The following MGAT4C variants were observed in gnomAD, a reference collection of about 807,000 sequenced individuals.
The protein encoded by MGAT4C is MGAT4 family member C.
In MGAT4C, 19 loss-of-function variants were observed where a neutral mutation model predicts 40.1. The ratio of observed to expected loss-of-function variants is 0.47; its 90% CI spans 0.33 to 0.70. The LOEUF (loss-of-function observed/expected upper bound fraction) is 0.70. Among genes scored for constraint, MGAT4C ranks in the 30% least tolerant of loss-of-function variants. The pLI, the probability that MGAT4C is intolerant of heterozygous loss-of-function variation, is 0.02. For synonymous variants in MGAT4C, 181 were observed against 187.1 expected, an observed-to-expected ratio of 0.97 and a Z score of 0.27; for missense variants, 491 against 563.2, an observed-to-expected ratio of 0.87 and a Z score of 1.30.
chr12:86,252,987 C>T (rs1952363518), intron 1 of MGAT4C, among the ~76,000 whole-genome samples: 1 of 151,832 alleles, frequency 6.6e-6, no homozygotes, highest in African/African-American at 2.4e-5. Context: ...AATTGATAGA[C>T]TTTTCACAAA....
intron 2 of MGAT4C, among the ~76,000 whole-genome samples, chr12:86,703,264 T>G (rs1317699001): frequency 6.6e-6 from 1 of 152,194 alleles, no homozygotes; most frequent in African/African-American, 2.4e-5. Context: ...AGAATAAACA[T>G]AATTGATAAA....
chr12:86,766,460 G>A (rs939815272), intron 1 of MGAT4C, among the ~76,000 whole-genome samples: 7 of 151,994 alleles, frequency 4.6e-5, no homozygotes, highest in Non-Finnish European at 5.9e-5. Flanking sequence ...AAAGATCAAC[G>A]AGACAGAAAG....
intron 2 of MGAT4C, among the ~76,000 whole-genome samples, chr12:86,440,203 G>T (rs1957202463): frequency 6.6e-6 from 1 of 152,148 alleles, no homozygotes; most frequent in East Asian, 1.9e-4. Context: ...CAACATTCCT[G>T]ATGAACATAG....
At chr12:86,813,916 T>A (rs12821474) in intron 1 of MGAT4C, among the ~76,000 whole-genome samples, 1 of 151,982 alleles carries the variant, frequency 6.6e-6, no homozygotes, top group Non-Finnish European at 1.5e-5. Context: ...TTTCTTTTTT[T>A]TGGGGGGGAT....
chr12:86,394,502 T>TATA (rs1956213846), intron 3 of MGAT4C, among the ~76,000 whole-genome samples: 1 of 139,496 alleles, frequency 7.2e-6, no homozygotes, highest in Admixed American at 7.4e-5. Context: ...TATATATATA[T>TATA]TTTTTAAATA....
chr12:86,495,796 T>A (rs1311642837), intron 2 of MGAT4C, among the ~76,000 whole-genome samples: 3 of 152,070 alleles, frequency 2.0e-5, no homozygotes, highest in African/African-American at 4.8e-5. Flanking sequence ...CAGTAACTCA[T>A]AATAGTTTCT....
intron 2 of MGAT4C, among the ~76,000 whole-genome samples, chr12:86,036,078 T>A (rs933771722): frequency 5.3e-5 from 8 of 150,066 alleles, no homozygotes; most frequent in African/African-American, 1.9e-4. Context: ...TGGTTCCATA[T>A]GAAATTTGAA....
At chr12:86,543,377 C>T (rs1441114075) in intron 2 of MGAT4C, among the ~76,000 whole-genome samples, 2 of 151,486 alleles carry the variant, frequency 1.3e-5, no homozygotes, top group Non-Finnish European at 2.9e-5. Flanking sequence ...TCCAGATTAA[C>T]ACCCAGAAAG....
chr12:86,664,260 T>C (rs1050701656), intron 2 of MGAT4C, among the ~76,000 whole-genome samples: 1 of 152,092 alleles, frequency 6.6e-6, no homozygotes, highest in Non-Finnish European at 1.5e-5. Flanking sequence ...TCTCTCACTC[T>C]GTCCTCCCCT....
chr12:86,767,401 C>A (rs537999355), intron 1 of MGAT4C, among the ~76,000 whole-genome samples: 12 of 152,224 alleles, frequency 7.9e-5, no homozygotes, highest in South Asian at 2.1e-4. Context: ...GAGTCCAGGA[C>A]CAGATGGATT....
intron 2 of MGAT4C, among the ~76,000 whole-genome samples, chr12:86,537,420 T>TAA (rs1203298287): frequency 6.6e-6 from 1 of 151,838 alleles, no homozygotes; most frequent in Non-Finnish European, 1.5e-5. Flanking sequence ...AACTTAGTTA[T>TAA]AAAAGTAAAT....
intron 2 of MGAT4C, among the ~76,000 whole-genome samples, chr12:86,656,343 A>G (rs560940523): frequency 6.6e-6 from 1 of 152,048 alleles, no homozygotes; most frequent in Non-Finnish European, 1.5e-5. Context: ...AAAAACAAGT[A>G]TACACCTAAT....
chr12:86,460,096 G>T (rs10776976), intron 2 of MGAT4C, among the ~76,000 whole-genome samples: 1 of 151,826 alleles, frequency 6.6e-6, no homozygotes, highest in South Asian at 2.1e-4. Context: ...GCCCACCCAC[G>T]CAGACACTTA....
intron 1 of MGAT4C, among the ~76,000 whole-genome samples, chr12:86,111,539 G>T (rs60995831): frequency 6.6e-6 from 1 of 151,664 alleles, no homozygotes; most frequent in Non-Finnish European, 1.5e-5. Flanking sequence ...TAGAGAAAGA[G>T]ATTTTAAAAA....
chr12:86,115,371 T>C (rs879544022), intron 1 of MGAT4C, among the ~76,000 whole-genome samples: 2 of 151,856 alleles, frequency 1.3e-5, no homozygotes, highest in African/African-American at 4.8e-5. Flanking sequence ...TACTTAAGAT[T>C]TGGGGTAGAA....
At chr12:86,143,578 C>T (rs1221784057) in intron 1 of MGAT4C, among the ~76,000 whole-genome samples, 1 of 152,128 alleles carries the variant, frequency 6.6e-6, no homozygotes, top group Non-Finnish European at 1.5e-5. Context: ...TTTACCCTTT[C>T]TCACCTGAAA....
chr12:85,975,699 C>T lies in MGAT4C; in HGVS notation c.*3590G>A, dbSNP rs1883924896. On this transcript the variant is annotated 3_prime_UTR_variant, in exon 5 of 5. Transcript: ENST00000611864. ...GTTTGGGATCATGAATCAAAAGAAA[C>T]AGGATAAAATTATCCTAAAATTAAT... The T allele has an allele frequency of 6.6e-6, 1 of 150,854 alleles. No individual in the cohort carries two copies. The highest frequency in any genetic ancestry group is 1.9e-4 in the East Asian group (1 of 5,176). 9.3% of individuals were successfully genotyped at this position (150,854 alleles called of 1,614,324 possible).
At chr12:86,681,809 T>A (rs1433331998) in intron 2 of MGAT4C, among the ~76,000 whole-genome samples, 2 of 152,076 alleles carry the variant, frequency 1.3e-5, no homozygotes, top group Non-Finnish European at 2.9e-5. Flanking sequence ...ATGAAATATC[T>A]ATTCCCCATT....
At position 86,002,723 on chromosome 12, in the gene MGAT4C, G is replaced by A. The variant is rs532733834; in HGVS notation, c.-6-13171C>T. ...TATATAGAATATATATTACATATAT[G>A]TATGAGTAATATATATGATTATATA... On this transcript the variant is annotated intron_variant, in intron 2 of 4. Coordinates refer to ENST00000611864, the MANE Select transcript of MGAT4C (RefSeq NM_001351288.2). Among the ~76,000 whole-genome samples the A allele has an allele frequency of 6.7e-5, 10 of 149,048 alleles. No individual in the cohort carries two copies. In the South Asian group the frequency reaches 2.1e-3, roughly 31 times the overall value.
Sources: allele counts gnomAD v4.1 joint callset (sites outside exome capture counted in the v4.1 genomes callset), GRCh38; gene constraint gnomAD v4.1.1; transcripts MANE v1.5; gene names NCBI Gene and HGNC (gene_info 2026-07-23, HGNC 2026-07-21).